Variants in SESN1 observed in about 807,000 individuals in gnomAD.
SESN1 encodes the protein sestrin-1.
Under a neutral mutation model 59.3 loss-of-function variants are expected in SESN1, and 30 were observed. The observed-to-expected ratio is 0.51, with a 90% CI of 0.38 to 0.69. The LOEUF (loss-of-function observed/expected upper bound fraction) is 0.69, where lower values mean the gene tolerates loss of function less well. Among genes scored for constraint, SESN1 ranks in the 30% least tolerant of loss-of-function variants. SESN1 has a pLI of 0.00. For missense variants in SESN1, 566 were observed against 673.0 expected, an observed-to-expected ratio of 0.84 and a Z score of 1.76; for synonymous variants, 197 against 219.9, an observed-to-expected ratio of 0.90 and a Z score of 0.92.
intron 1 of SESN1, chr6:109,090,622 T>C (rs1213540013): frequency 6.6e-6 from 1 of 152,210 alleles, no homozygotes; most frequent in African/African-American, 2.4e-5. Flanking sequence ...TGGATAATCA[T>C]GAAGATCTTC....
intron 1 of SESN1, chr6:109,009,599 C>T: frequency 6.7e-6 from 7 of 1,046,610 alleles, no homozygotes; most frequent in Non-Finnish European, 8.1e-6. Flanking sequence ...GCGGCCCCGC[C>T]CCGCGCCCGT....
intron 1 of SESN1, among the ~76,000 whole-genome samples, chr6:109,066,802 T>G (rs1387393688): frequency 6.6e-6 from 1 of 152,142 alleles, no homozygotes; most frequent in Non-Finnish European, 1.5e-5. Context: ...AGTGCTAAGC[T>G]TAAAAGTTCG....
rs116006291 is a variant in SESN1, at chr6:109,015,130, T to C, written c.280-12787A>G. On this transcript the variant is annotated intron_variant, in intron 1 of 9. Transcript: ENST00000436639. ...ATGAATTTCAAGTTCACTATTCAGG[T>C]AAACATTTTTGAGGCTTAGGGGCCA... Among the ~76,000 whole-genome samples the C allele has an allele frequency of 2.4e-3, 361 of 152,222 alleles. 1 individual carries two copies. Among genetic ancestry groups the C allele is most frequent in the African/African-American group, 8.3e-3 (344 of 41,528 alleles).
Position 108,994,532 on chromosome 6 carries a change from C to T in SESN1, c.1050G>A (p.Glu350=). ...RQLQECRDEE[E]ASQEEMASRF... is the part of the protein sequence containing the mutation. ...GTGAAGCCATCTCTTCCTGACTTGC[C>T]TCTTCTTCATCTCGACATTCCTGTA... The change falls in exon 6 of 10, where the codon GAG becomes GAA. Residue 350 remains glutamate (E), a synonymous_variant. Coordinates refer to ENST00000436639, the MANE Select transcript of SESN1 (RefSeq NM_014454.3). 1 of 1,613,540 alleles carries T rather than the reference C, an allele frequency of 6.2e-7. No homozygotes were observed. The highest frequency in any genetic ancestry group is 8.5e-7 in the Non-Finnish European group (1 of 1,179,748).
intron 1 of SESN1, among the ~76,000 whole-genome samples, chr6:109,006,507 A>G (rs1018106549): frequency 6.7e-6 from 1 of 148,720 alleles, no homozygotes; most frequent in Admixed American, 6.7e-5. Context: ...GTCCAAGGAA[A>G]GCCCTGAGAT....
intron 5 of SESN1, among the ~76,000 whole-genome samples, chr6:108,994,956 G>A (rs1009306795): frequency 1.3e-5 from 2 of 152,060 alleles, no homozygotes; most frequent in African/African-American, 4.8e-5. Context: ...TGTCCACCTC[G>A]GCCTTCCAAA....
In SESN1 at chr6:108,992,837, A is replaced by G. The variant is rs1421897691; in HGVS notation, c.1183T>C (p.Tyr395His). The G allele has an allele frequency of 6.2e-7, 1 of 1,613,838 alleles. No individual in the cohort carries two copies. Among genetic ancestry groups the G allele is most frequent in the East Asian group, 2.2e-5 (1 of 44,812 alleles). ...SRHFEDTSYG[Y>H]KDFSRHGMHV... Reference sequence around the variant, plus strand: ...ATCCCATGTCTAGAGAAATCTTTATAGCCATAACTAGTATCCTCAAAATGA... The same window carrying G: ...ATCCCATGTCTAGAGAAATCTTTATGGCCATAACTAGTATCCTCAAAATGA... Residue 395 changes from tyrosine (Y) to histidine (H), a missense_variant, in exon 7 of 10, where the codon TAT (tyrosine) becomes CAT (histidine). Physicochemically the swap from Tyr to His is moderately conservative, Grantham distance 83. Transcript: ENST00000436639.
chr6:109,024,108 C>T (rs563340717), intron 1 of SESN1, among the ~76,000 whole-genome samples: 1 of 152,002 alleles, frequency 6.6e-6, no homozygotes, highest in South Asian at 2.1e-4. Context: ...TCTCATGAAT[C>T]TAGAACAAAT....
Position 108,986,966 on chromosome 6 carries a change from T to C in SESN1, c.*578A>G, listed in dbSNP as rs1356701634. ...ACCATCAAAATGGTTGTTGCTGAGC[T>C]GTGTGAGTAGGAATTCTATGCTTTT... On this transcript the variant is annotated 3_prime_UTR_variant, in exon 10 of 10. Coordinates refer to ENST00000436639, the MANE Select transcript of SESN1 (RefSeq NM_014454.3). 1 of 152,706 alleles carries C rather than the reference T, an allele frequency of 6.5e-6. No homozygotes were observed. The highest frequency in any genetic ancestry group is 1.5e-5 in the Non-Finnish European group (1 of 68,054). The allele number at this position is 152,706 out of a possible 1,614,324, so 9.5% of individuals were successfully genotyped here.
At chr6:109,069,234 T>C (rs914180247) in intron 1 of SESN1, among the ~76,000 whole-genome samples, 3 of 152,056 alleles carry the variant, frequency 2.0e-5, no homozygotes, top group African/African-American at 7.2e-5. Context: ...TCCATACTAT[T>C]TTTTGAACTA....
At chr6:109,052,763 A>G (rs369147580) in intron 1 of SESN1, among the ~76,000 whole-genome samples, 74 of 152,338 alleles carry the variant, frequency 4.9e-4, no homozygotes, top group South Asian at 3.7e-3. Context: ...AAACATTTCA[A>G]CCATTAAGTA....
In SESN1 at chr6:109,085,346, C is replaced by G. The variant is rs186935827; in HGVS notation, c.279+8449G>C. Among the ~76,000 whole-genome samples the G allele has an allele frequency of 1.2e-4, 19 of 152,150 alleles. No homozygotes were observed. In the East Asian group the frequency reaches 3.7e-3, roughly 29 times the overall value. ...CATCCTGGCTATCATGGTGAAATCC[C>G]GTCTCTACTAAAAATACAAAAAATT... On this transcript the variant is annotated intron_variant, in intron 1 of 9. Transcript: ENST00000436639.
Position 109,087,632 on chromosome 6 carries a change from T to A in SESN1, c.279+6163A>T, listed in dbSNP as rs17070151. Among the ~76,000 whole-genome samples the A allele has an allele frequency of 4.7e-3, 721 of 152,310 alleles. 2 individuals carry two copies. Among genetic ancestry groups the A allele is most frequent in the African/African-American group, 0.015 (608 of 41,562 alleles). On this transcript the variant is annotated intron_variant, in intron 1 of 9. Coordinates refer to ENST00000436639, the MANE Select transcript of SESN1 (RefSeq NM_014454.3). ...GAGGACTCTCATATTTGCTGTGATA[T>A]CTAAGAGTCAGCAGTGAATGTTTGA... is the stretch of plus-strand genomic sequence containing the variant.
intron 1 of SESN1, among the ~76,000 whole-genome samples, chr6:109,032,567 G>A (rs746488636): frequency 1.3e-5 from 2 of 150,874 alleles, no homozygotes; most frequent in African/African-American, 2.5e-5. Flanking sequence ...GCAATGAGCC[G>A]AGATTGGGCC....
intron 1 of SESN1, among the ~76,000 whole-genome samples, chr6:109,022,484 G>A (rs1486535350): frequency 1.4e-5 from 2 of 138,914 alleles, no homozygotes; most frequent in Non-Finnish European, 3.0e-5. Context: ...GTGCAGTGGC[G>A]CGATCTCGGC....
At position 108,990,555 on chromosome 6, in the gene SESN1, G is replaced by T; in HGVS notation, c.1424+90C>A. On this transcript the variant is annotated intron_variant, in intron 8 of 9. Coordinates refer to ENST00000436639, the MANE Select transcript of SESN1 (RefSeq NM_014454.3). ...TGGGGAGGGGATGGGTTTTGATTAT[G>T]TGTGTGTCTATGTGCATGTGCGCTC... The T allele has an allele frequency of 2.6e-6, 3 of 1,136,094 alleles. No homozygotes were observed. In the South Asian group the frequency reaches 3.9e-5, roughly 15 times the overall value. 70.4% of individuals were successfully genotyped at this position (1,136,094 alleles called of 1,614,324 possible).
chr6:109,070,587 A>G (rs1780916459), intron 1 of SESN1, among the ~76,000 whole-genome samples: 1 of 152,168 alleles, frequency 6.6e-6, no homozygotes, highest in South Asian at 2.1e-4. Flanking sequence ...ATACAGTGAA[A>G]AGCCTTGGAC....
At chr6:109,018,435 G>A (rs538872001) in intron 1 of SESN1, among the ~76,000 whole-genome samples, 1 of 152,316 alleles carries the variant, frequency 6.6e-6, no homozygotes, top group East Asian at 1.9e-4. Context: ...TACATCAGCT[G>A]AAGTAAAACT....
chr6:109,085,795 G>C (rs1781204328), intron 1 of SESN1, among the ~76,000 whole-genome samples: 1 of 152,120 alleles, frequency 6.6e-6, no homozygotes, highest in South Asian at 2.1e-4. Context: ...ACAAAGCAGA[G>C]ATTAGAATTG....
Sources: gnomAD v4.1 joint callset for allele counts (sites outside exome capture counted in the v4.1 genomes callset) on GRCh38, gnomAD v4.1.1 for gene constraint, MANE v1.5 for transcripts, NCBI Gene and HGNC (gene_info 2026-07-23, HGNC 2026-07-21) for gene names.